WWOX: variants seen among roughly 807,000 people sequenced by gnomAD.
The protein encoded by WWOX is WW domain containing oxidoreductase.
A neutral mutation model predicts 46.2 loss-of-function variants in WWOX; 69 were observed. The ratio of observed to expected loss-of-function variants is 1.49; its 90% CI spans 1.23 to 1.82. WWOX has a LOEUF of 1.82. Among genes scored for constraint, WWOX ranks in the 40% most tolerant of loss-of-function variants. WWOX has a pLI of 0.00. For synonymous variants in WWOX, 359 were observed against 202.6 expected, an observed-to-expected ratio of 1.77 and a Z score of -6.56; for missense variants, 919 against 542.6, an observed-to-expected ratio of 1.69 and a Z score of -6.89.
chr16:78,612,055 C>T (rs887323345), intron 8 of WWOX, among the ~76,000 whole-genome samples: 1 of 152,176 alleles, frequency 6.6e-6, no homozygotes, highest in Non-Finnish European at 1.5e-5. Flanking sequence ...TCCTGGTGTG[C>T]ACCTGGCATA....
chr16:78,155,285 G>A (rs2034560385), intron 4 of WWOX, among the ~76,000 whole-genome samples: 1 of 151,656 alleles, frequency 6.6e-6, no homozygotes, highest in Non-Finnish European at 1.5e-5. Context: ...AGGGAAGGAA[G>A]GAAGGGAAGG....
chr16:79,071,299 A>G (rs2048546189), intron 8 of WWOX, among the ~76,000 whole-genome samples: 1 of 152,022 alleles, frequency 6.6e-6, no homozygotes, highest in Admixed American at 6.6e-5. Context: ...TTTTTGTCTT[A>G]ATTTGGAGAA....
intron 8 of WWOX, among the ~76,000 whole-genome samples, chr16:79,098,377 A>C (rs775879469): frequency 6.6e-6 from 1 of 152,166 alleles, no homozygotes; most frequent in Admixed American, 6.5e-5. Context: ...CCTAGAGTGC[A>C]TTTCTGCTTC....
At chr16:79,057,385 C>T (rs562534427) in intron 8 of WWOX, among the ~76,000 whole-genome samples, 6 of 152,200 alleles carry the variant, frequency 3.9e-5, no homozygotes, top group Non-Finnish European at 8.8e-5. Flanking sequence ...CTGTAATTCA[C>T]CGGCCATAGC....
rs375914799 is a variant in WWOX, at chr16:78,638,648, C to T, written c.1056+205896C>T. Among the ~76,000 whole-genome samples, 43 of 152,296 alleles carry T rather than the reference C, an allele frequency of 2.8e-4. No homozygotes were observed. In the East Asian group the frequency reaches 5.2e-3, roughly 18 times the overall value. ...TTTTCCATGGTGCCCCAGCAGCAGGCTGGAGGGAAGGGCGGGGGCGGTCAG... is the reference window on the plus strand; with the variant it reads ...TTTTCCATGGTGCCCCAGCAGCAGGTTGGAGGGAAGGGCGGGGGCGGTCAG... On this transcript the variant is annotated intron_variant, in intron 8 of 8. Coordinates refer to ENST00000566780, the MANE Select transcript of WWOX (RefSeq NM_016373.4).
chr16:78,879,569 C>T (rs1301954972), intron 8 of WWOX, among the ~76,000 whole-genome samples: 1 of 151,958 alleles, frequency 6.6e-6, no homozygotes, highest in East Asian at 1.9e-4. Flanking sequence ...CAAGAGGCAA[C>T]ATTGTTTGTG....
intron 8 of WWOX, among the ~76,000 whole-genome samples, chr16:79,121,897 T>C (rs909165073): frequency 6.6e-6 from 1 of 152,190 alleles, no homozygotes; most frequent in Non-Finnish European, 1.5e-5. Context: ...GTTTGTGTTT[T>C]TTTAATATCC....
chr16:79,122,481 C>G (rs142267741), intron 8 of WWOX, among the ~76,000 whole-genome samples: 3 of 151,984 alleles, frequency 2.0e-5, no homozygotes, highest in African/African-American at 4.8e-5. Context: ...CTTTCCTTCT[C>G]TTGCTATTTC....
intron 8 of WWOX, among the ~76,000 whole-genome samples, chr16:78,950,873 A>C (rs926652886): frequency 6.6e-6 from 1 of 152,160 alleles, no homozygotes; most frequent in Admixed American, 6.5e-5. Context: ...ATTATAGTGC[A>C]AGGTGTTTGG....
In WWOX at chr16:79,035,045, CT is replaced by C. The variant is rs1203058864; in HGVS notation, c.1057-176562del. Among the ~76,000 whole-genome samples the C allele has an allele frequency of 1.2e-4, 19 of 152,234 alleles. No individual in the cohort carries two copies. In the East Asian group the frequency reaches 3.7e-3, roughly 29 times the overall value. ...GACTCTTTTAACTTGTCAACATTTC[CT>C]ACATTCAACATTGTACTCTAATATC... On this transcript the variant is annotated intron_variant, in intron 8 of 8. Transcript: ENST00000566780.
At chr16:78,397,038 A>C (rs1222055319) in intron 6 of WWOX, among the ~76,000 whole-genome samples, 2 of 152,164 alleles carry the variant, frequency 1.3e-5, no homozygotes, top group African/African-American at 4.8e-5. Flanking sequence ...AAAATGGGTT[A>C]TGTTAGGTCT....
At chr16:78,674,389 A>G (rs571639492) in intron 8 of WWOX, among the ~76,000 whole-genome samples, 5 of 151,806 alleles carry the variant, frequency 3.3e-5, no homozygotes, top group South Asian at 2.1e-4. Context: ...AGTTCAAGCA[A>G]TTGTCCTGCC....
chr16:78,397,909 C>T (rs746903054), intron 6 of WWOX, among the ~76,000 whole-genome samples: 26 of 152,292 alleles, frequency 1.7e-4, no homozygotes, highest in Admixed American at 1.1e-3. Context: ...GATTCTCGTC[C>T]GCTCAGTTAA....
intron 8 of WWOX, among the ~76,000 whole-genome samples, chr16:78,857,191 A>C (rs2052586764): frequency 6.6e-6 from 1 of 152,194 alleles, no homozygotes; most frequent in East Asian, 1.9e-4. Context: ...AAAAATGTGA[A>C]CCTCCTAATA....
intron 8 of WWOX, among the ~76,000 whole-genome samples, chr16:78,571,009 C>G (rs1785072825): frequency 6.6e-6 from 1 of 152,106 alleles, no homozygotes; most frequent in Non-Finnish European, 1.5e-5. Context: ...GACTATGTTG[C>G]CCAGATGACT....
At chr16:78,643,652 G>C (rs1401546336) in intron 8 of WWOX, among the ~76,000 whole-genome samples, 1 of 151,982 alleles carries the variant, frequency 6.6e-6, no homozygotes, top group Non-Finnish European at 1.5e-5. Flanking sequence ...TTATATCTTG[G>C]CTCCTAATAA....
At chr16:78,126,975 T>C (rs928720000) in intron 4 of WWOX, among the ~76,000 whole-genome samples, 2 of 152,178 alleles carry the variant, frequency 1.3e-5, no homozygotes, top group Non-Finnish European at 2.9e-5. Context: ...GGTGGAGAAA[T>C]TGTACCATTG....
intron 8 of WWOX, among the ~76,000 whole-genome samples, chr16:78,903,100 A>C (rs980081731): frequency 1.5e-4 from 23 of 152,208 alleles, no homozygotes; most frequent in African/African-American, 5.3e-4. Flanking sequence ...ACTACACTCC[A>C]TAGAGTGGGA....
chr16:78,380,016 T>G (rs1414423151), intron 5 of WWOX, among the ~76,000 whole-genome samples: 1 of 152,230 alleles, frequency 6.6e-6, no homozygotes, highest in Non-Finnish European at 1.5e-5. Flanking sequence ...AATTTAGTCC[T>G]GTAAATGTTT....
Sources: gnomAD v4.1 joint callset for allele counts (sites outside exome capture counted in the v4.1 genomes callset) on GRCh38, gnomAD v4.1.1 for gene constraint, MANE v1.5 for transcripts, NCBI Gene and HGNC (gene_info 2026-07-23, HGNC 2026-07-21) for gene names.